DIS3L2: variants seen among roughly 807,000 people sequenced by gnomAD.
The protein encoded by DIS3L2 is DIS3-like exonuclease 2.
Under a neutral mutation model 97.5 loss-of-function variants are expected in DIS3L2, and 34 were observed. The observed-to-expected ratio is 0.35, with a 90% CI of 0.27 to 0.46. The LOEUF is 0.46. Ranked by LOEUF, DIS3L2 falls within the 20% of genes least tolerant of loss-of-function variation. DIS3L2 has a pLI of 1.00. For missense variants in DIS3L2, 1,038 were observed against 1,146.0 expected (o/e 0.91, Z 1.36); for synonymous variants, 435 against 445.2 (o/e 0.98, Z 0.29).
rs542704528 is a variant in DIS3L2, at chr2:232,011,580, C to T, written c.-93-3255C>T. On this transcript the variant is annotated intron_variant, in intron 1 of 20. Transcript: ENST00000325385. ...GTTGGTCAGGCTGGTCTCGAACTCCCGAACACAGGTGGTCTGCCCGCCTTG... is the reference window on the plus strand; with the variant it reads ...GTTGGTCAGGCTGGTCTCGAACTCCTGAACACAGGTGGTCTGCCCGCCTTG... Among the ~76,000 whole-genome samples the T allele has an allele frequency of 7.9e-5, 12 of 152,184 alleles. No individual in the cohort carries two copies. In the South Asian group the frequency reaches 8.3e-4, roughly 11 times the overall value.
chr2:232,011,640 A>G (rs1233851820), intron 1 of DIS3L2, among the ~76,000 whole-genome samples: 1 of 150,730 alleles, frequency 6.6e-6, no homozygotes, highest in Non-Finnish European at 1.5e-5. Context: ...GGCGTGAGCC[A>G]CTGTGCCTGC....
chr2:232,086,456 A>C (rs1213370141), intron 5 of DIS3L2, among the ~76,000 whole-genome samples: 4 of 148,060 alleles, frequency 2.7e-5, no homozygotes, highest in Non-Finnish European at 5.9e-5. Flanking sequence ...TTCAGCCTGC[A>C]GATTGTATAA....
Position 232,087,690 on chromosome 2 carries a change from TAAG to T in DIS3L2, c.573_575del (p.Lys192del), listed in dbSNP as rs2106309674. The T allele has an allele frequency of 1.9e-6, 3 of 1,614,180 alleles. No individual in the cohort carries two copies. The highest frequency in any genetic ancestry group is 1.7e-6 in the Non-Finnish European group (2 of 1,180,020). The stretch of plus-strand genomic sequence containing the variant: ...CACAAAATGTGCTGGTTGATGGTGT[TAAG>T]AAACTCTCAGTTTGTGTTTCTGAGA... On this transcript the variant is annotated inframe_deletion, in exon 6 of 21. Transcript: ENST00000325385.
intron 5 of DIS3L2, among the ~76,000 whole-genome samples, chr2:232,033,201 T>C (rs1392981160): frequency 6.6e-6 from 1 of 152,180 alleles, no homozygotes; most frequent in Non-Finnish European, 1.5e-5. Context: ...TCAGATCCCT[T>C]GTAAGTTGTA....
chr2:232,181,796 C>A lies in DIS3L2; in HGVS notation c.1124+18164C>A, dbSNP rs939717084. 1.3e-4 allele frequency among the ~76,000 whole-genome samples: 20 copies of A among 150,734 alleles called. No individual in the cohort carries two copies. The East Asian group carries it at 4.2e-3, about 32-fold the overall frequency. On this transcript the variant is annotated intron_variant, in intron 9 of 20. Transcript: ENST00000325385. ...GGGATACAGGCGTGCATCATCACAC[C>A]CAGCTAATTTTTGTTTGTTTGTTTG...
At chr2:232,154,812 C>G (rs1371124678) in intron 8 of DIS3L2, among the ~76,000 whole-genome samples, 1 of 131,186 alleles carries the variant, frequency 7.6e-6, no homozygotes, top group East Asian at 2.2e-4. Flanking sequence ...CTCGTTGCCG[C>G]CTTGCAGTTT....
At chr2:232,321,507 G>C (rs1308283840) in intron 14 of DIS3L2, among the ~76,000 whole-genome samples, 1 of 152,178 alleles carries the variant, frequency 6.6e-6, no homozygotes, top group Non-Finnish European at 1.5e-5. Context: ...GCCGTGGCCC[G>C]TGGCCCACTC....
chr2:232,336,158 G>A, intron 20 of DIS3L2: 2 of 1,534,536 alleles, frequency 1.3e-6, no homozygotes, highest in South Asian at 1.2e-5. Flanking sequence ...TAGAGAACCT[G>A]ATGAAAGCTA....
intron 5 of DIS3L2, among the ~76,000 whole-genome samples, chr2:232,068,409 TAAAA>T (rs5839428): frequency 2.2e-5 from 3 of 134,888 alleles, no homozygotes; most frequent in Non-Finnish European, 1.6e-5. Flanking sequence ...CTATTGCTAC[TAAAA>T]AAAAAAAAAA....
At chr2:232,168,552 A>G (rs567781395) in intron 9 of DIS3L2, among the ~76,000 whole-genome samples, 1 of 152,230 alleles carries the variant, frequency 6.6e-6, no homozygotes, top group Admixed American at 6.5e-5. Context: ...GACAATATCC[A>G]TAAATCCATG....
intron 1 of DIS3L2, among the ~76,000 whole-genome samples, chr2:232,005,183 T>TTTTC (rs1694016809): frequency 6.7e-6 from 1 of 150,174 alleles, no homozygotes; most frequent in African/African-American, 2.5e-5. Context: ...TTTTTTTTTT[T>TTTTC]TTTTTTTTAT....
chr2:232,335,681 A>C, intron 19 of DIS3L2, 92 bp from the exon 20 acceptor site: 2 of 1,420,260 alleles, frequency 1.4e-6, no homozygotes, highest in Non-Finnish European at 1.9e-6. Flanking sequence ...CCGAGGGCTG[A>C]GGGCCGCCTC....
chr2:232,155,478 A>C (rs963636914), intron 8 of DIS3L2, among the ~76,000 whole-genome samples: 2 of 152,160 alleles, frequency 1.3e-5, no homozygotes, highest in African/African-American at 4.8e-5. Context: ...GAGTTCTTGT[A>C]TTTAGAAATC....
intron 1 of DIS3L2, among the ~76,000 whole-genome samples, chr2:231,965,167 G>A (rs12467481): frequency 0.1 from 15,353 of 152,226 alleles, 881 homozygotes; most frequent in African/African-American, 0.16. Context: ...TGCATTTGGT[G>A]TTAGGTTTAT....
In DIS3L2 at chr2:232,079,599, CAAAAA is replaced by C. The variant is rs760870721; in HGVS notation, c.367-7866_367-7862del. Among the ~76,000 whole-genome samples the C allele has an allele frequency of 2.4e-4, 7 of 29,612 alleles. No homozygotes were observed. The South Asian group carries it at 3.5e-3, about 15-fold the overall frequency. 19.4% of individuals were successfully genotyped at this position (29,612 alleles called of 152,430 possible). A position where few individuals can be genotyped will look rare whatever the true frequency, so the allele number is the denominator to read the frequency against. On this transcript the variant is annotated intron_variant, in intron 5 of 20. Transcript: ENST00000325385. ...TGGGCGACAGAGCAAGACTCTATCT[CAAAAA>C]AAAAAAAAAAAAAAAAAAAAAGTAA...
chr2:232,225,400 A>G (rs1329204393), intron 10 of DIS3L2, among the ~76,000 whole-genome samples: 2 of 152,212 alleles, frequency 1.3e-5, no homozygotes, highest in Non-Finnish European at 2.9e-5. Flanking sequence ...CAACAGAGTG[A>G]AGCAAATTCA....
intron 14 of DIS3L2, among the ~76,000 whole-genome samples, chr2:232,323,419 G>T (rs2106341506): frequency 6.6e-6 from 1 of 152,340 alleles, no homozygotes; most frequent in South Asian, 2.1e-4. Flanking sequence ...GGGCCCAAAT[G>T]TGGCCATCTA....
intron 6 of DIS3L2, 125 bp downstream of exon 6, chr2:232,087,846 G>C: frequency 1.3e-6 from 1 of 754,004 alleles, no homozygotes; most frequent in Non-Finnish European, 2.1e-6. Context: ...ACCTGTGGCA[G>C]CTTTCAGAAA....
chr2:232,198,342 T>G (rs1279891554), intron 9 of DIS3L2, among the ~76,000 whole-genome samples: 1 of 152,220 alleles, frequency 6.6e-6, no homozygotes, highest in Non-Finnish European at 1.5e-5. Context: ...ATAGAACTTT[T>G]TATACTTTAA....
Sources: gnomAD v4.1 joint callset for allele counts (sites outside exome capture counted in the v4.1 genomes callset) on GRCh38, gnomAD v4.1.1 for gene constraint, MANE v1.5 for transcripts, NCBI Gene and HGNC (gene_info 2026-07-23, HGNC 2026-07-21) for gene names.